The following JAG2 variants were observed in gnomAD, a reference collection of about 807,000 sequenced individuals.
JAG2 encodes protein jagged-2.
A neutral mutation model predicts 141.7 loss-of-function variants in JAG2; 46 were observed. That is an observed-to-expected ratio of 0.32 (90% CI 0.26 to 0.42). The LOEUF (loss-of-function observed/expected upper bound fraction) is 0.42, where lower values mean the gene tolerates loss of function less well. Ranked by LOEUF, JAG2 falls within the 10% of genes least tolerant of loss-of-function variation. The probability of loss-of-function intolerance (pLI) is 1.00; values close to 1 mark genes in which losing one functional copy is unlikely to be tolerated. For missense variants in JAG2, 1,500 were observed against 1,817.5 expected (o/e 0.83, Z 3.18); for synonymous variants, 862 against 763.5 (o/e 1.13, Z -2.13).
In JAG2 at chr14:105,145,081, G is replaced by A. The variant is rs1185718531; in HGVS notation, c.2953-20C>T. On this transcript the variant is annotated intron_variant, in intron 23 of 25. Coordinates refer to ENST00000331782, the MANE Select transcript of JAG2 (RefSeq NM_002226.5). ...GGTGCCCTGGGCAGAGACAGGCAGT[G>A]CGTGGGCAGGGCAGGGCCGTGAACC... The A allele has an allele frequency of 3.1e-6, 5 of 1,608,856 alleles. No homozygotes were observed. The highest frequency in any genetic ancestry group is 1.3e-5 in the African/African-American group (1 of 75,030).
chr14:105,145,671 T>C (rs766838402), intron 23 of JAG2, 60 bp downstream of exon 23: 71 of 1,548,304 alleles, frequency 4.6e-5, no homozygotes, highest in Non-Finnish European at 5.9e-5. Context: ...GCTTTCGCCA[T>C]GCCACGAGCA....
intron 2 of JAG2, among the ~76,000 whole-genome samples, chr14:105,164,265 C>A (rs1344108998): frequency 6.6e-6 from 1 of 152,198 alleles, no homozygotes; most frequent in African/African-American, 2.4e-5. Context: ...GAATGCCCCA[C>A]CCTGCCCCCA....
chr14:105,161,381 A>G (rs899110037), intron 2 of JAG2, among the ~76,000 whole-genome samples: 4 of 152,038 alleles, frequency 2.6e-5, no homozygotes, highest in Non-Finnish European at 4.4e-5. Context: ...GGCAGAGAAA[A>G]GCCAGGCCAC....
At position 105,146,937 on chromosome 14, in the gene JAG2, C is replaced by T. The variant is rs908395286; in HGVS notation, c.2480-213G>A. ...CAACAGCACCCTCCTCCGTCTGCTTCTGCAGTGGGCCTGTCCCATCCTGGA... is the reference window on the plus strand; with the variant it reads ...CAACAGCACCCTCCTCCGTCTGCTTTTGCAGTGGGCCTGTCCCATCCTGGA... On this transcript the variant is annotated intron_variant, in intron 20 of 25. Transcript: ENST00000331782. 2.0e-5 allele frequency: 13 copies of T among 651,416 alleles called. No individual in the cohort carries two copies. The Admixed American group carries it at 2.8e-4, about 14-fold the overall frequency. The allele number at this position is 651,416 out of a possible 1,614,324, so 40.4% of individuals were successfully genotyped here.
At chr14:105,158,092 T>G (rs895937967) in intron 2 of JAG2, among the ~76,000 whole-genome samples, 7 of 150,594 alleles carry the variant, frequency 4.6e-5, no homozygotes, top group Admixed American at 2.6e-4. Flanking sequence ...GGGGGAGAGG[T>G]GGGCAAAGGG....
chr14:105,157,474 A>T (rs138043505), intron 3 of JAG2, among the ~76,000 whole-genome samples: 272 of 152,300 alleles, frequency 1.8e-3, no homozygotes, highest in Non-Finnish European at 2.9e-3. Flanking sequence ...AAAAGAGCAC[A>T]CCCAAGAGGA....
At chr14:105,157,261 C>G (rs368312504) in intron 3 of JAG2, among the ~76,000 whole-genome samples, 6 of 152,184 alleles carry the variant, frequency 3.9e-5, no homozygotes, top group Non-Finnish European at 8.8e-5. Flanking sequence ...CAGACCTTCA[C>G]ACGAGCTGCT....
chr14:105,167,759 G>A lies in JAG2; in HGVS notation c.415C>T (p.Pro139Ser). The change falls in exon 2 of 26, where the codon CCG becomes TCG. Residue 139 changes from proline to serine, a missense_variant and splice_region_variant. By Grantham distance (74) the Pro-to-Ser change is moderately conservative. Coordinates refer to ENST00000331782, the MANE Select transcript of JAG2 (RefSeq NM_002226.5). This position sits in a 1 kb window ranked among gnomAD's most constrained non-coding sequence, Gnocchi z 4.8. ...LVVIPFQFAW[P>S]RSFTLIVEAW... is the part of the protein sequence containing the mutation. ...CACGAGGGATGGAGCGCACGTACCG[G>A]CCAGGCGAACTGGAAGGGGATGACG... is the stretch of plus-strand genomic sequence containing the variant. 1.4e-6 allele frequency: 2 copies of A among 1,458,320 alleles called. No homozygotes were observed. Among genetic ancestry groups the A allele is most frequent in the Non-Finnish European group, 1.8e-6 (2 of 1,107,260 alleles). 90.3% of individuals were successfully genotyped at this position (1,458,320 alleles called of 1,614,324 possible).
In JAG2 at chr14:105,167,991, G is replaced by C. The variant is rs1434434653; in HGVS notation, c.183C>G (p.Gly61=). The C allele has an allele frequency of 1.2e-5, 20 of 1,601,722 alleles. No individual in the cohort carries two copies. Among genetic ancestry groups the C allele is most frequent in the Admixed American group, 5.0e-5 (3 of 59,654 alleles). The change falls in exon 2 of 26, where the codon GGC becomes GGG. Residue 61 remains glycine, a synonymous_variant. Transcript: ENST00000331782. This position sits in a 1 kb window ranked among gnomAD's most constrained non-coding sequence, Gnocchi z 4.8. ...ACGTGTCGCACTCGTCGTGGCCGCA[G>C]CCCCCCGCGCGCGTTGTCCGGCCGT... The part of the protein sequence containing the change: ...DGDGRTTRAG[G]CGHDECDTYV...
At chr14:105,145,381 C>G (rs1309287342) in intron 23 of JAG2, among the ~76,000 whole-genome samples, 3 of 152,182 alleles carry the variant, frequency 2.0e-5, no homozygotes, top group Non-Finnish European at 4.4e-5. Context: ...GGCCCAGCTC[C>G]AAGCACACAG....
At chr14:105,143,341 G>C (rs1888121580) in intron 25 of JAG2, 141 bp downstream of exon 25, 2 of 1,294,670 alleles carry the variant, frequency 1.5e-6, no homozygotes, top group Admixed American at 2.0e-5. Context: ...TCAGGTTGTG[G>C]GGCTGGGCGG....
chr14:105,155,395 C>A (rs1038925650), intron 5 of JAG2, among the ~76,000 whole-genome samples, 167 bp downstream of exon 5: 1 of 152,194 alleles, frequency 6.6e-6, no homozygotes, highest in African/African-American at 2.4e-5. Flanking sequence ...TGCTCAGACA[C>A]GCACCTACTG....
rs1156425482 is a variant in JAG2, at chr14:105,142,413, C to T, written c.*282G>A. On this transcript the variant is annotated 3_prime_UTR_variant, in exon 26 of 26. Transcript: ENST00000331782. Reference sequence around the variant, plus strand: ...AACAAACGCTACGATTTGGTGACGACGCAGACACCCTTTGCTCTCTCCTTT... The same window carrying T: ...AACAAACGCTACGATTTGGTGACGATGCAGACACCCTTTGCTCTCTCCTTT... 5 of 423,846 alleles carry T rather than the reference C, an allele frequency of 1.2e-5. No homozygotes were observed. Among genetic ancestry groups the T allele is most frequent in the African/African-American group, 2.1e-5 (1 of 48,464 alleles). The allele number at this position is 423,846 out of a possible 1,614,324, so 26.3% of individuals were successfully genotyped here.
At chr14:105,166,242 G>A (rs939404658) in intron 2 of JAG2, among the ~76,000 whole-genome samples, 10 of 152,228 alleles carry the variant, frequency 6.6e-5, no homozygotes, top group South Asian at 2.1e-4. Flanking sequence ...GAGCCAGGGC[G>A]GACACGCGAT....
chr14:105,158,285 G>C (rs1418500931), intron 2 of JAG2, among the ~76,000 whole-genome samples: 2 of 152,182 alleles, frequency 1.3e-5, no homozygotes, highest in Non-Finnish European at 2.9e-5. Context: ...CCCAGCCAGA[G>C]GCCCCAACAG....
chr14:105,157,910 C>T, intron 2 of JAG2, 147 bp from the exon 3 acceptor site: 1 of 747,900 alleles, frequency 1.3e-6, no homozygotes, highest in South Asian at 1.5e-5. Context: ...CCACCCTCCT[C>T]ATCCTCAGGC....
chr14:105,168,148 C>A, intron 1 of JAG2, 41 bp from the exon 2 acceptor site: 3 of 1,432,968 alleles, frequency 2.1e-6, no homozygotes, highest in Non-Finnish European at 2.7e-6. Flanking sequence ...AGGCGCGGGC[C>A]GGGGTCGGCG....
chr14:105,157,900 C>T, intron 2 of JAG2, 137 bp from the exon 3 acceptor site: 2 of 779,818 alleles, frequency 2.6e-6, no homozygotes, highest in South Asian at 2.9e-5. Context: ...CAGGGACCCA[C>T]CACCCTCCTC....
intron 2 of JAG2, among the ~76,000 whole-genome samples, chr14:105,166,223 C>T (rs1595192272): frequency 6.6e-6 from 1 of 152,354 alleles, no homozygotes; most frequent in East Asian, 1.9e-4. Flanking sequence ...GGCTGGCCCG[C>T]GGGGCGAAGA....
Sources: gnomAD v4.1 joint callset for allele counts (sites outside exome capture counted in the v4.1 genomes callset) on GRCh38, gnomAD v4.1.1 for gene constraint, Gnocchi (gnomAD v3.1) non-coding constraint, MANE v1.5 for transcripts, NCBI Gene and HGNC (gene_info 2026-07-23, HGNC 2026-07-21) for gene names.